WDR83: variants seen among roughly 807,000 people sequenced by gnomAD.
WDR83 encodes WD repeat domain-containing protein 83.
WDR83 carries 37 observed loss-of-function variants against 37.7 expected under a neutral mutation model. The observed-to-expected ratio is 0.98, with a 90% CI of 0.76 to 1.29. The LOEUF (loss-of-function observed/expected upper bound fraction) is 1.29, where lower values mean the gene tolerates loss of function less well. WDR83 is among the 50% of genes most tolerant of loss of function. The pLI, the probability that WDR83 is intolerant of heterozygous loss-of-function variation, is 0.00. For synonymous variants in WDR83, 174 were observed against 181.1 expected (o/e 0.96, Z 0.31); for missense variants, 445 against 414.4 (o/e 1.07, Z -0.64).
Position 12,673,119 on chromosome 19 carries a change from G to A in WDR83, c.683+3G>A. 1 of 1,612,572 alleles carries A rather than the reference G, an allele frequency of 6.2e-7. No individual in the cohort carries two copies. The highest frequency in any genetic ancestry group is 8.5e-7 in the Non-Finnish European group (1 of 1,178,886). Reference sequence around the variant, plus strand: ...GACACAGGGGAGCTGCTGGGCGAGTGAGTCCTTGTGGTCGTGGGGATCCCC... The same window carrying A: ...GACACAGGGGAGCTGCTGGGCGAGTAAGTCCTTGTGGTCGTGGGGATCCCC... On this transcript the variant is annotated splice_donor_region_variant and intron_variant, in intron 9 of 10. Coordinates refer to ENST00000418543, the MANE Select transcript of WDR83 (RefSeq NM_001099737.3).
intron 9 of WDR83, 42 bp from the exon 10 acceptor site, chr19:12,673,160 C>T: frequency 6.2e-7 from 1 of 1,610,574 alleles, no homozygotes; most frequent in Non-Finnish European, 8.5e-7. Flanking sequence ...TCCTCTCCCA[C>T]CCCTGGAGAG....
chr19:12,674,935 G>T (rs1477564269), intron 10 of WDR83, among the ~76,000 whole-genome samples: 1 of 151,868 alleles, frequency 6.6e-6, no homozygotes, highest in East Asian at 1.9e-4. Flanking sequence ...CCAACATGGT[G>T]AAACCCCATC....
chr19:12,669,552 G>C (rs1224752545), intron 2 of WDR83: 1 of 1,022,182 alleles, frequency 9.8e-7, no homozygotes, highest in Non-Finnish European at 1.4e-6. Context: ...CCCAGAGAAC[G>C]GAGATTTAGG....
chr19:12,671,686 AT>A (rs747835292), intron 7 of WDR83, among the ~76,000 whole-genome samples: 1 of 152,182 alleles, frequency 6.6e-6, no homozygotes, highest in Non-Finnish European at 1.5e-5. Flanking sequence ...ATACATAAAA[AT>A]AATCATAAGG....
rs1160329944 is a variant in WDR83 at position 12,672,839 on chromosome 19, T to C, written c.507-8T>C. On this transcript the variant is annotated splice_polypyrimidine_tract_variant and splice_region_variant and intron_variant, in intron 7 of 10. Transcript: ENST00000418543. ...CAAGGTTCCCGCTGGATCTACCCTC[T>C]CCTGCAGCTCCGTGGATGGCCGCGT... 1 of 1,575,420 alleles carries C rather than the reference T, an allele frequency of 6.3e-7. No homozygotes were observed. Among genetic ancestry groups the C allele is most frequent in the Admixed American group, 1.8e-5 (1 of 54,062 alleles).
intron 10 of WDR83, among the ~76,000 whole-genome samples, chr19:12,674,374 G>C (rs1359189117): frequency 6.6e-6 from 1 of 152,138 alleles, no homozygotes; most frequent in African/African-American, 2.4e-5. Context: ...AGAGCCGGGG[G>C]AATCTCGGCA....
Position 12,672,874 on chromosome 19 carries a change from TGACCTAAG to T in WDR83, c.537_544del (p.Leu180GlyfsTer51). 1.3e-6 allele frequency: 2 copies of T among 1,594,390 alleles called. No individual in the cohort carries two copies. The highest frequency in any genetic ancestry group is 1.7e-6 in the Non-Finnish European group (2 of 1,170,360). ...CCGTGGATGGCCGCGTGAGACGCTA[TGACCTAAG>T]GATGGGGCAGCTCTTCTCAGACTAC... is the stretch of plus-strand genomic sequence containing the variant. On this transcript the variant is annotated frameshift_variant, in exon 8 of 11. Coordinates refer to ENST00000418543, the MANE Select transcript of WDR83 (RefSeq NM_001099737.3). LOFTEE classifies it high-confidence loss of function.
chr19:12,675,116 A>C (rs1475168940), intron 10 of WDR83, among the ~76,000 whole-genome samples: 1 of 150,494 alleles, frequency 6.6e-6, no homozygotes, highest in Non-Finnish European at 1.5e-5. Context: ...CCATCTCAAA[A>C]AAAAACAGAA....
intron 8 of WDR83, 24 bp from the exon 9 acceptor site, chr19:12,672,984 T>C: frequency 6.3e-7 from 1 of 1,578,430 alleles, no homozygotes; most frequent in Non-Finnish European, 8.7e-7. Context: ...CCACCCTCAC[T>C]CACCTACCCA....
chr19:12,667,501 A>G (rs1318614295), intron 1 of WDR83, among the ~76,000 whole-genome samples: 1 of 152,210 alleles, frequency 6.6e-6, no homozygotes, highest in East Asian at 1.9e-4. Context: ...AAAAATACAA[A>G]AATTAGCTGG....
In WDR83 at chr19:12,673,273, G is replaced by C. The variant is rs375508885; in HGVS notation, c.755G>C (p.Ser252Thr). 162 of 1,613,996 alleles carry C rather than the reference G, an allele frequency of 1.0e-4. No homozygotes were observed. Among genetic ancestry groups the C allele is most frequent in the Non-Finnish European group, 1.3e-4 (156 of 1,180,042 alleles). The change falls in exon 10 of 11, where the codon AGC (serine) becomes ACC (threonine). Residue 252 changes from serine to threonine, a missense_variant. Ser to Thr is a moderately conservative substitution (Grantham distance 58). Coordinates refer to ENST00000418543, the MANE Select transcript of WDR83 (RefSeq NM_001099737.3). ...AGCGAGCGTGACACACATGTGGTCA[G>C]CTGTTCTGAGGACGGGAAGGTGTTC... ...CLSERDTHVV[S>T]CSEDGKVFFW... is the part of the protein sequence containing the mutation.
At chr19:12,670,953 G>T in intron 7 of WDR83, 132 bp downstream of exon 7, 1 of 1,371,154 alleles carries the variant, frequency 7.3e-7, no homozygotes, top group Non-Finnish European at 9.8e-7. Context: ...TTGGGAGGCT[G>T]AAGTGGAAGG....
At chr19:12,668,655 G>T in intron 2 of WDR83, 28 bp downstream of exon 2, 1 of 1,559,190 alleles carries the variant, frequency 6.4e-7, no homozygotes, top group Non-Finnish European at 8.8e-7. Flanking sequence ...TTAGTGAAAG[G>T]CACAACAATG....
chr19:12,674,549 C>T (rs992816456), intron 10 of WDR83, among the ~76,000 whole-genome samples: 4 of 152,188 alleles, frequency 2.6e-5, no homozygotes, highest in African/African-American at 9.6e-5. Flanking sequence ...CAGAAGTTGC[C>T]TTGGAGGGCA....
chr19:12,673,384 T>G, intron 10 of WDR83, 68 bp downstream of exon 10: 1 of 877,256 alleles, frequency 1.1e-6, no homozygotes, highest in Non-Finnish European at 1.9e-6. Context: ...CTTACCTCAG[T>G]CACTCCAGGG....
chr19:12,669,583 T>A (rs1198622036), intron 2 of WDR83, 172 bp from the exon 3 acceptor site: 6 of 954,158 alleles, frequency 6.3e-6, no homozygotes, highest in Non-Finnish European at 9.2e-6. Context: ...AGTCTTCCTT[T>A]CAAAGGGAAA....
chr19:12,674,173 C>A (rs1323103757), intron 10 of WDR83, among the ~76,000 whole-genome samples: 1 of 152,240 alleles, frequency 6.6e-6, no homozygotes, highest in South Asian at 2.1e-4. Context: ...GCAACTGGCA[C>A]TGACCCCTGG....
chr19:12,670,310 A>T, intron 5 of WDR83, 25 bp downstream of exon 5: 3 of 1,609,464 alleles, frequency 1.9e-6, no homozygotes, highest in Non-Finnish European at 2.5e-6. Flanking sequence ...GGAGACCCTC[A>T]TTTGAGTGGA....
rs753310947 is a variant in WDR83 at position 12,670,035 on chromosome 19, G to A, written c.162G>A (p.Pro54=). The A allele has an allele frequency of 2.4e-5, 38 of 1,613,238 alleles. No homozygotes were observed. Among genetic ancestry groups the A allele is most frequent in the Non-Finnish European group, 3.1e-5 (36 of 1,179,296 alleles). ...ACAAGACGCTGAAGCTGTGGAACCC[G>A]CTTCGGGGGACGCTGCTGCGGACGT... ...GSDKTLKLWN[P]LRGTLLRTYS... Residue 54 remains proline, a synonymous_variant, in exon 4 of 11, where the codon CCG becomes CCA. Transcript: ENST00000418543.
Sources: allele counts gnomAD v4.1 joint callset (sites outside exome capture counted in the v4.1 genomes callset), GRCh38; gene constraint gnomAD v4.1.1; transcripts MANE v1.5; gene names NCBI Gene and HGNC (gene_info 2026-07-23, HGNC 2026-07-21).